The following CEP112 variants were observed in gnomAD, a reference collection of about 807,000 sequenced individuals.
CEP112 encodes centrosomal protein 112.
A neutral mutation model predicts 153.0 loss-of-function variants in CEP112; 127 were observed. The observed-to-expected ratio is 0.83, with a 90% CI of 0.72 to 0.96. The LOEUF is 0.96. Ranked by LOEUF, CEP112 falls within the 40% of genes least tolerant of loss-of-function variation. CEP112 has a pLI of 0.00. For missense variants in CEP112, 1,089 were observed against 1,101.2 expected (o/e 0.99, Z 0.16); for synonymous variants, 358 against 374.4 (o/e 0.96, Z 0.51).
chr17:65,754,676 G>C lies in CEP112; in HGVS notation c.2395-3952C>G, dbSNP rs1223005216. Among the ~76,000 whole-genome samples, 4 of 151,460 alleles carry C rather than the reference G, an allele frequency of 2.6e-5. No homozygotes were observed. The East Asian group carries it at 7.7e-4, about 29-fold the overall frequency. On this transcript the variant is annotated intron_variant, in intron 21 of 26. Transcript: ENST00000535342. ...TACAGTGTAGAGGTCAGTGTGGTTG[G>C]ATCAGTGCAACCAGTGGAGCACTGG...
chr17:65,823,858 G>T (rs1004554622), intron 21 of CEP112, among the ~76,000 whole-genome samples: 1 of 152,186 alleles, frequency 6.6e-6, no homozygotes, highest in Middle Eastern at 3.4e-3. Flanking sequence ...AATATACACA[G>T]GAAAAGGTGC....
At chr17:66,029,818 A>G (rs1473928491) in intron 13 of CEP112, 51 bp downstream of exon 13, 2 of 1,506,000 alleles carry the variant, frequency 1.3e-6, no homozygotes, top group South Asian at 1.2e-5. Context: ...GATACAGTTA[A>G]TATCAGTACT....
chr17:65,907,251 T>C (rs990206794), intron 19 of CEP112, among the ~76,000 whole-genome samples: 1 of 152,216 alleles, frequency 6.6e-6, no homozygotes, highest in Non-Finnish European at 1.5e-5. Flanking sequence ...TTGAAGTTTC[T>C]TATAGACTCA....
chr17:66,070,120 G>C (rs2067258234), intron 8 of CEP112, 119 bp from the exon 9 acceptor site: 1 of 612,918 alleles, frequency 1.6e-6, no homozygotes, highest in African/African-American at 1.9e-5. Flanking sequence ...CCTTTACCTT[G>C]TAGTCACAGA....
intron 4 of CEP112, among the ~76,000 whole-genome samples, chr17:66,140,789 C>T (rs966743621): frequency 1.5e-4 from 23 of 152,052 alleles, no homozygotes; most frequent in Non-Finnish European, 2.9e-5. Context: ...AGGCACACAC[C>T]ACCACGCCTG....
chr17:65,679,136 T>TTTTTTTTTTTTG (rs2047384731), intron 24 of CEP112, among the ~76,000 whole-genome samples: 1 of 74,848 alleles, frequency 1.3e-5, no homozygotes, highest in African/African-American at 6.4e-5. Flanking sequence ...AAGCTTTTTT[T>TTTTTTTTTTTTG]TTTTTTTTTT....
At chr17:65,971,471 T>G (rs978627581) in intron 17 of CEP112, among the ~76,000 whole-genome samples, 7 of 106,510 alleles carry the variant, frequency 6.6e-5, no homozygotes, top group Non-Finnish European at 1.4e-4. Context: ...CACACATGTA[T>G]CATGCATGTA....
chr17:66,041,625 C>T (rs1371600938), intron 12 of CEP112, among the ~76,000 whole-genome samples: 3 of 152,126 alleles, frequency 2.0e-5, no homozygotes, highest in Non-Finnish European at 4.4e-5. Context: ...GTTTCCAATA[C>T]CATTTCTCCA....
chr17:66,002,561 A>G (rs1444339774), intron 17 of CEP112, among the ~76,000 whole-genome samples: 4 of 152,186 alleles, frequency 2.6e-5, no homozygotes, highest in African/African-American at 7.2e-5. Context: ...ATGGGACCAA[A>G]ATCCCAGGAT....
chr17:65,786,096 T>G (rs1205041490), intron 21 of CEP112, among the ~76,000 whole-genome samples: 2 of 152,294 alleles, frequency 1.3e-5, no homozygotes, highest in African/African-American at 4.8e-5. Flanking sequence ...ATTTTTTCAT[T>G]GATGTTTTGT....
chr17:65,767,140 A>G (rs1385322086), intron 21 of CEP112, among the ~76,000 whole-genome samples: 1 of 152,188 alleles, frequency 6.6e-6, no homozygotes, highest in African/African-American at 2.4e-5. Flanking sequence ...ATGGTGGGCC[A>G]TAAAACAAGT....
intron 12 of CEP112, among the ~76,000 whole-genome samples, chr17:66,035,184 A>C (rs920558580): frequency 2.3e-4 from 35 of 151,666 alleles, no homozygotes; most frequent in African/African-American, 7.7e-4. Flanking sequence ...TGATGAAAAA[A>C]ATTATCAGAT....
chr17:65,886,161 G>A (rs2059268552), intron 20 of CEP112, among the ~76,000 whole-genome samples: 1 of 152,136 alleles, frequency 6.6e-6, no homozygotes, highest in Non-Finnish European at 1.5e-5. Context: ...CGAAAGGACA[G>A]CATCATTTAA....
At chr17:65,792,959 C>A (rs781063957) in intron 21 of CEP112, among the ~76,000 whole-genome samples, 1 of 152,062 alleles carries the variant, frequency 6.6e-6, no homozygotes, top group Non-Finnish European at 1.5e-5. Flanking sequence ...CGATTGAACA[C>A]CTCTTTTTAG....
chr17:65,713,068 T>C (rs1229988247), intron 23 of CEP112, among the ~76,000 whole-genome samples: 7 of 152,200 alleles, frequency 4.6e-5, no homozygotes, highest in Non-Finnish European at 1.0e-4. Flanking sequence ...TCACCATACA[T>C]TGGTCATTCT....
chr17:66,188,229 A>G (rs556403911), intron 1 of CEP112, among the ~76,000 whole-genome samples: 2 of 151,780 alleles, frequency 1.3e-5, no homozygotes, highest in Non-Finnish European at 2.9e-5. Flanking sequence ...ATCCAAACCC[A>G]AAGTTAGGCA....
At chr17:66,093,326 A>G (rs1169893359) in intron 8 of CEP112, among the ~76,000 whole-genome samples, 1 of 152,202 alleles carries the variant, frequency 6.6e-6, no homozygotes, top group Non-Finnish European at 1.5e-5. Flanking sequence ...TAAGCAACAG[A>G]GCATGACTGT....
intron 26 of CEP112, among the ~76,000 whole-genome samples, chr17:65,636,182 T>G (rs1426184578): frequency 6.6e-6 from 1 of 152,242 alleles, no homozygotes; most frequent in Non-Finnish European, 1.5e-5. Flanking sequence ...TCACAAGATC[T>G]TTCCTTTTAA....
chr17:65,993,587 A>C (rs1359049587), intron 17 of CEP112, among the ~76,000 whole-genome samples: 5 of 152,216 alleles, frequency 3.3e-5, no homozygotes, highest in Admixed American at 1.3e-4. Context: ...AACCAGAAGC[A>C]GCCCAAATGA....
Sources: gnomAD v4.1 joint callset for allele counts (sites outside exome capture counted in the v4.1 genomes callset) on GRCh38, gnomAD v4.1.1 for gene constraint, MANE v1.5 for transcripts, NCBI Gene and HGNC (gene_info 2026-07-23, HGNC 2026-07-21) for gene names.